The following LUZP2 variants were observed in gnomAD, a reference collection of about 807,000 sequenced individuals.
The protein encoded by LUZP2 is leucine zipper protein 2.
In LUZP2, 52 loss-of-function variants were observed where a neutral mutation model predicts 51.6. The observed-to-expected ratio is 1.01, with a 90% confidence interval of 0.81 to 1.27. The LOEUF (loss-of-function observed/expected upper bound fraction) is 1.27, where lower values mean the gene tolerates loss of function less well. LUZP2 is among the 50% of genes most tolerant of loss of function. The probability of loss-of-function intolerance (pLI) is 0.00; values close to 1 mark genes in which losing one functional copy is unlikely to be tolerated. For synonymous variants in LUZP2, 154 were observed against 137.3 expected (o/e 1.12, Z -0.85); for missense variants, 436 against 395.4 (o/e 1.10, Z -0.87).
chr11:24,535,593 AG>A (rs1335794737), intron 1 of LUZP2, among the ~76,000 whole-genome samples: 1 of 151,598 alleles, frequency 6.6e-6, no homozygotes, highest in Non-Finnish European at 1.5e-5. Flanking sequence ...TTTATCATAA[AG>A]GTGCAAATTC....
intron 1 of LUZP2, among the ~76,000 whole-genome samples, chr11:24,699,654 C>T (rs75097032): frequency 0.18 from 26,130 of 148,604 alleles, 2,400 homozygotes; most frequent in East Asian, 0.32. Context: ...TAGCCTTGGC[C>T]ATATATATAT....
At chr11:24,833,712 G>GCGCACACACACACACA (rs112834221) in intron 5 of LUZP2, among the ~76,000 whole-genome samples, 1 of 147,132 alleles carries the variant, frequency 6.8e-6, no homozygotes, top group Admixed American at 6.8e-5. Flanking sequence ...CCGCGCGCGC[G>GCGCACACACACACACA]CACACACACA....
chr11:24,892,410 T>C (rs1852887282), intron 5 of LUZP2: 1 of 981,680 alleles, frequency 1.0e-6, no homozygotes, highest in Non-Finnish European at 1.2e-6. Context: ...GATGTCTCGA[T>C]TAGCACTTAT....
intron 5 of LUZP2, among the ~76,000 whole-genome samples, chr11:24,806,079 A>G (rs1045824695): frequency 1.3e-5 from 2 of 152,178 alleles, no homozygotes; most frequent in African/African-American, 2.4e-5. Flanking sequence ...TATTACTTGT[A>G]AAAGTACATT....
intron 1 of LUZP2, among the ~76,000 whole-genome samples, chr11:24,654,095 T>A (rs957292533): frequency 6.6e-6 from 1 of 152,176 alleles, no homozygotes; most frequent in African/African-American, 2.4e-5. Context: ...GAGCAAAATG[T>A]AGAAAGATAT....
intron 1 of LUZP2, among the ~76,000 whole-genome samples, chr11:24,529,717 A>G (rs1440441186): frequency 6.6e-6 from 1 of 151,024 alleles, no homozygotes; most frequent in East Asian, 1.9e-4. Context: ...TAATAGAGCA[A>G]AAGAATATGA....
chr11:24,551,502 T>A (rs984437961), intron 1 of LUZP2, among the ~76,000 whole-genome samples: 1 of 152,074 alleles, frequency 6.6e-6, no homozygotes, highest in Non-Finnish European at 1.5e-5. Flanking sequence ...GTTGAAAATT[T>A]TATATAATTA....
intron 9 of LUZP2, among the ~76,000 whole-genome samples, chr11:25,042,749 A>G (rs991386468): frequency 2.0e-5 from 3 of 152,092 alleles, no homozygotes; most frequent in African/African-American, 7.2e-5. Context: ...GTGGCTGTCT[A>G]TATCTGCCCC....
chr11:24,853,473 G>T (rs1047836501), intron 5 of LUZP2, among the ~76,000 whole-genome samples: 1 of 151,908 alleles, frequency 6.6e-6, no homozygotes, highest in Non-Finnish European at 1.5e-5. Flanking sequence ...GCTCCATCAG[G>T]TTATTTATGT....
At chr11:25,035,244 C>A (rs1449130673) in intron 9 of LUZP2, among the ~76,000 whole-genome samples, 1 of 151,980 alleles carries the variant, frequency 6.6e-6, no homozygotes, top group East Asian at 1.9e-4. Context: ...AGATGTCAAA[C>A]TATTTTTCTT....
At chr11:24,853,736 G>T (rs1198326942) in intron 5 of LUZP2, among the ~76,000 whole-genome samples, 1 of 152,116 alleles carries the variant, frequency 6.6e-6, no homozygotes, top group East Asian at 1.9e-4. Flanking sequence ...GTTTTGCTCT[G>T]TTTTTTCCTC....
At chr11:24,680,574 A>G (rs1168761379) in intron 1 of LUZP2, among the ~76,000 whole-genome samples, 4 of 152,198 alleles carry the variant, frequency 2.6e-5, no homozygotes, top group African/African-American at 9.6e-5. Context: ...CAGTTCCTCT[A>G]TTTTCTGTCT....
intron 1 of LUZP2, among the ~76,000 whole-genome samples, chr11:24,503,428 G>A (rs1382290893): frequency 6.6e-6 from 1 of 152,198 alleles, no homozygotes; most frequent in African/African-American, 2.4e-5. Context: ...TTTGCTTCAT[G>A]AGTATGAAGA....
chr11:24,762,750 A>T (rs577797272), intron 4 of LUZP2, among the ~76,000 whole-genome samples: 71 of 152,108 alleles, frequency 4.7e-4, no homozygotes, highest in Non-Finnish European at 4.4e-5. Flanking sequence ...GATCCTGATG[A>T]TATCTTGTTC....
At chr11:24,935,795 G>T (rs1040494960) in intron 7 of LUZP2, among the ~76,000 whole-genome samples, 1 of 151,906 alleles carries the variant, frequency 6.6e-6, no homozygotes, top group Non-Finnish European at 1.5e-5. Context: ...TGAATTAATG[G>T]TAAAATTTGG....
At chr11:24,936,032 C>G (rs1377847600) in intron 7 of LUZP2, among the ~76,000 whole-genome samples, 1 of 152,132 alleles carries the variant, frequency 6.6e-6, no homozygotes, top group Non-Finnish European at 1.5e-5. Flanking sequence ...ATTTATTTCA[C>G]TTTATTTCAT....
intron 9 of LUZP2, among the ~76,000 whole-genome samples, chr11:25,009,506 C>A (rs943210940): frequency 6.6e-6 from 1 of 151,778 alleles, no homozygotes; most frequent in Non-Finnish European, 1.5e-5. Context: ...TAACTTTTAT[C>A]TAGTAACTAA....
rs184448313 is a variant in LUZP2, at chr11:24,814,946, C to A, written c.396+51638C>A. ...GGTGGAGCTTGCAGTGAGCTGAGAT[C>A]GCACCAATGCACTCCAGCTTGGGCG... On this transcript the variant is annotated intron_variant, in intron 5 of 11. Transcript: ENST00000336930. Among the ~76,000 whole-genome samples the A allele has an allele frequency of 2.0e-5, 3 of 146,916 alleles. No individual in the cohort carries two copies. In the East Asian group the frequency reaches 5.9e-4, roughly 29 times the overall value.
At chr11:24,691,146 C>A (rs965984398) in intron 1 of LUZP2, among the ~76,000 whole-genome samples, 1 of 151,844 alleles carries the variant, frequency 6.6e-6, no homozygotes, top group African/African-American at 2.4e-5. Flanking sequence ...ATGTGTATTG[C>A]CACATGTTCT....
Sources: gnomAD v4.1 joint callset for allele counts (sites outside exome capture counted in the v4.1 genomes callset) on GRCh38, gnomAD v4.1.1 for gene constraint, MANE v1.5 for transcripts, NCBI Gene and HGNC (gene_info 2026-07-23, HGNC 2026-07-21) for gene names.